MSRB3: variants seen among roughly 807,000 people sequenced by gnomAD.
MSRB3 encodes the protein methionine-R-sulfoxide reductase B3.
MSRB3 carries 13 observed loss-of-function variants against 21.0 expected under a neutral mutation model. That is an observed-to-expected ratio of 0.62 (90% confidence interval 0.40 to 0.98). The LOEUF (loss-of-function observed/expected upper bound fraction) is 0.98. Ranked by LOEUF, MSRB3 falls within the 50% of genes least tolerant of loss-of-function variation. MSRB3 has a pLI of 0.00. For synonymous variants in MSRB3, 87 were observed against 88.6 expected (o/e 0.98, Z 0.10); for missense variants, 199 against 230.3 (o/e 0.86, Z 0.88).
chr12:65,445,241 C>A (rs1046081861), intron 5 of MSRB3, among the ~76,000 whole-genome samples: 2 of 152,010 alleles, frequency 1.3e-5, no homozygotes, highest in African/African-American at 4.8e-5. Flanking sequence ...CTTCCCAGTC[C>A]CATTAAAGCT....
chr12:65,322,475 C>T (rs1462153723), intron 2 of MSRB3, among the ~76,000 whole-genome samples: 3 of 151,484 alleles, frequency 2.0e-5, no homozygotes, highest in Non-Finnish European at 2.9e-5. Flanking sequence ...GCCATCATGT[C>T]GAAACCCCAT....
intron 3 of MSRB3, among the ~76,000 whole-genome samples, chr12:65,327,371 A>G (rs1195960281): frequency 6.6e-6 from 1 of 152,236 alleles, no homozygotes; most frequent in African/African-American, 2.4e-5. Flanking sequence ...TTTTCTACCC[A>G]ACTCCAATTT....
intron 4 of MSRB3, among the ~76,000 whole-genome samples, chr12:65,346,323 C>G (rs552075138): frequency 6.6e-6 from 1 of 152,186 alleles, no homozygotes; most frequent in Non-Finnish European, 1.5e-5. Flanking sequence ...ATTTGCATTT[C>G]TCTGATGGCC....
chr12:65,291,898 T>C (rs1872684896), intron 1 of MSRB3, among the ~76,000 whole-genome samples: 1 of 152,184 alleles, frequency 6.6e-6, no homozygotes, highest in African/African-American at 2.4e-5. Flanking sequence ...AGATCTGATC[T>C]GCATTTTAAA....
rs536818977 is a variant in MSRB3 at position 65,455,457 on chromosome 12, G to C, written c.390+1632G>C. 1.1e-4 allele frequency among the ~76,000 whole-genome samples: 17 copies of C among 152,226 alleles called. No homozygotes were observed. In the South Asian group the frequency reaches 3.5e-3, roughly 32 times the overall value. ...TGTAATTGGACAGGTTTAGTGTGGG[G>C]AGCAGCATTTTTAAAAGCTCCTCTG... On this transcript the variant is annotated intron_variant, in intron 6 of 6. Transcript: ENST00000308259.
At chr12:65,285,391 G>A (rs1872279527) in intron 1 of MSRB3, 1 of 152,198 alleles carries the variant, frequency 6.6e-6, no homozygotes. Flanking sequence ...CTGTGCTGAT[G>A]TGGAAACCTC....
intron 2 of MSRB3, 112 bp from the exon 3 acceptor site, chr12:65,326,714 G>A (rs186099006): frequency 1.1e-4 from 84 of 754,634 alleles, no homozygotes; most frequent in Non-Finnish European, 1.7e-4. Flanking sequence ...ATTAGAGACT[G>A]GTCTGGTCAT....
intron 4 of MSRB3, among the ~76,000 whole-genome samples, chr12:65,352,487 TA>T (rs1343270663): frequency 6.6e-6 from 1 of 151,410 alleles, no homozygotes; most frequent in African/African-American, 2.4e-5. Flanking sequence ...GAGAAGGAAA[TA>T]AAGGGTATTC....
chr12:65,437,304 G>A (rs1403824017), intron 5 of MSRB3, among the ~76,000 whole-genome samples: 3 of 151,830 alleles, frequency 2.0e-5, no homozygotes, highest in Non-Finnish European at 4.4e-5. Flanking sequence ...AGTGTACTCA[G>A]CCTTCTTGCT....
At chr12:65,396,736 G>T (rs1879831995) in intron 5 of MSRB3, among the ~76,000 whole-genome samples, 1 of 147,944 alleles carries the variant, frequency 6.8e-6, no homozygotes, top group Non-Finnish European at 1.5e-5. Flanking sequence ...AAGAAAGAAA[G>T]AAAGAAAGAA....
chr12:65,431,867 A>G (rs1214382468), intron 5 of MSRB3, among the ~76,000 whole-genome samples: 3 of 152,110 alleles, frequency 2.0e-5, no homozygotes, highest in Non-Finnish European at 2.9e-5. Flanking sequence ...AAGAGACTGA[A>G]GTCTAAGTCT....
rs543873027 is a variant in MSRB3, at chr12:65,352,879, G to C, written c.264-16119G>C. Among the ~76,000 whole-genome samples, 26 of 151,460 alleles carry C rather than the reference G, an allele frequency of 1.7e-4. 1 individual carries two copies. The South Asian group carries it at 2.1e-3, about 12-fold the overall frequency. ...AGGAAGAATCAATATCGTGAAAATG[G>C]CCATACTGCCCAAGGTAATTTACAG... On this transcript the variant is annotated intron_variant, in intron 4 of 6. Transcript: ENST00000308259.
intron 1 of MSRB3, among the ~76,000 whole-genome samples, chr12:65,301,247 A>G (rs1224599890): frequency 6.6e-6 from 1 of 152,226 alleles, no homozygotes; most frequent in Non-Finnish European, 1.5e-5. Context: ...CTATCATAAC[A>G]TATACGAAAA....
At chr12:65,435,708 C>T (rs766487352) in intron 5 of MSRB3, among the ~76,000 whole-genome samples, 12 of 151,808 alleles carry the variant, frequency 7.9e-5, no homozygotes, top group Admixed American at 2.0e-4. Context: ...ATTTGATAGA[C>T]TTGGAGGCAA....
chr12:65,294,391 T>C (rs1872831331), intron 1 of MSRB3, among the ~76,000 whole-genome samples: 2 of 152,226 alleles, frequency 1.3e-5, no homozygotes, highest in Non-Finnish European at 2.9e-5. Context: ...TTTTCTTCAA[T>C]ATAGCCTCTC....
At chr12:65,421,164 ATG>A (rs1158474119) in intron 5 of MSRB3, among the ~76,000 whole-genome samples, 1 of 152,090 alleles carries the variant, frequency 6.6e-6, no homozygotes, top group Non-Finnish European at 1.5e-5. Flanking sequence ...TTTCTGACTC[ATG>A]TGAGGTGGTA....
intron 4 of MSRB3, among the ~76,000 whole-genome samples, chr12:65,359,735 A>T (rs1281806496): frequency 1.3e-5 from 2 of 152,170 alleles, no homozygotes; most frequent in African/African-American, 4.8e-5. Context: ...GTTTGAAAAT[A>T]GTGATGAGGA....
intron 2 of MSRB3, among the ~76,000 whole-genome samples, chr12:65,321,589 T>A (rs1417149352): frequency 1.3e-5 from 2 of 152,192 alleles, no homozygotes; most frequent in Non-Finnish European, 2.9e-5. Context: ...TAGGAGCTTT[T>A]CTTCCTCCAT....
chr12:65,402,860 C>G (rs1201610886), intron 5 of MSRB3, among the ~76,000 whole-genome samples: 3 of 152,178 alleles, frequency 2.0e-5, no homozygotes, highest in Non-Finnish European at 4.4e-5. Context: ...CATTCAGGCT[C>G]CTCTGCTGCA....
Sources: allele counts gnomAD v4.1 joint callset (sites outside exome capture counted in the v4.1 genomes callset), GRCh38; gene constraint gnomAD v4.1.1; transcripts MANE v1.5; gene names NCBI Gene and HGNC (gene_info 2026-07-23, HGNC 2026-07-21).